CNTNAP4: variants seen among roughly 807,000 people sequenced by gnomAD.
CNTNAP4 encodes contactin associated protein family member 4.
Under a neutral mutation model 148.4 loss-of-function variants are expected in CNTNAP4, and 98 were observed. The observed-to-expected ratio is 0.66, with a 90% CI of 0.56 to 0.78. The LOEUF is 0.78. CNTNAP4 is among the 30% of genes least tolerant of loss of function. The probability of loss-of-function intolerance (pLI) is 0.00; values close to 1 mark genes in which losing one functional copy is unlikely to be tolerated. For synonymous variants in CNTNAP4, 730 were observed against 565.1 expected, an observed-to-expected ratio of 1.29 and a Z score of -4.14; for missense variants, 1,935 against 1,565.6, an observed-to-expected ratio of 1.24 and a Z score of -3.98.
intron 9 of CNTNAP4, 138 bp from the exon 10 acceptor site, chr16:76,467,214 A>G (rs1363663423): frequency 1.4e-6 from 1 of 698,086 alleles, no homozygotes; most frequent in East Asian, 2.8e-5. Context: ...CAAACTAATA[A>G]TGACTGCAGT....
At chr16:76,423,109 C>T (rs1239655579) in intron 3 of CNTNAP4, among the ~76,000 whole-genome samples, 4 of 152,034 alleles carry the variant, frequency 2.6e-5, no homozygotes, top group East Asian at 3.9e-4. Flanking sequence ...CACCAGACAC[C>T]GAATCTGCTG....
intron 2 of CNTNAP4, among the ~76,000 whole-genome samples, chr16:76,323,036 G>A (rs1227566089): frequency 6.6e-6 from 1 of 151,764 alleles, no homozygotes; most frequent in African/African-American, 2.4e-5. Flanking sequence ...TAGTAGAGAT[G>A]GGGTTTCACC....
At chr16:76,455,055 ATAT>A (rs1215225821) in intron 8 of CNTNAP4, among the ~76,000 whole-genome samples, 8 of 152,246 alleles carry the variant, frequency 5.3e-5, no homozygotes, top group African/African-American at 1.4e-4. Context: ...TTATTCAAAA[ATAT>A]TATGTCAGCT....
intron 8 of CNTNAP4, among the ~76,000 whole-genome samples, chr16:76,459,734 T>C (rs371237520): frequency 6.6e-6 from 1 of 152,352 alleles, no homozygotes; most frequent in African/African-American, 2.4e-5. Flanking sequence ...TGTTTCTTAA[T>C]TTGATCTGCA....
chr16:76,368,910 C>T (rs2014470939), intron 3 of CNTNAP4, among the ~76,000 whole-genome samples: 1 of 152,026 alleles, frequency 6.6e-6, no homozygotes, highest in African/African-American at 2.4e-5. Flanking sequence ...TGCGTTAGAC[C>T]AGTGGTTACT....
intron 12 of CNTNAP4, among the ~76,000 whole-genome samples, chr16:76,487,621 T>C (rs1194169809): frequency 2.0e-5 from 3 of 152,164 alleles, no homozygotes; most frequent in Non-Finnish European, 1.5e-5. Flanking sequence ...TCTCCGTTGC[T>C]CAAAATCTAT....
intron 12 of CNTNAP4, among the ~76,000 whole-genome samples, chr16:76,480,107 T>C (rs1308561806): frequency 6.6e-6 from 1 of 152,062 alleles, no homozygotes; most frequent in East Asian, 1.9e-4. Flanking sequence ...CACCATTGTA[T>C]TGGAGGTCCT....
At chr16:76,415,514 CAT>C (rs1287583048) in intron 3 of CNTNAP4, among the ~76,000 whole-genome samples, 1 of 150,970 alleles carries the variant, frequency 6.6e-6, no homozygotes. Flanking sequence ...TGAATTAATA[CAT>C]GTTTTATAGT....
At chr16:76,309,926 T>C (rs751470386) in intron 1 of CNTNAP4, 1 of 701,602 alleles carries the variant, frequency 1.4e-6, no homozygotes, top group African/African-American at 1.7e-5. Context: ...GTTAAGTCTC[T>C]TTTTCTTCCC....
intron 9 of CNTNAP4, among the ~76,000 whole-genome samples, chr16:76,464,018 T>C (rs1268508018): frequency 6.6e-6 from 1 of 152,196 alleles, no homozygotes; most frequent in Non-Finnish European, 1.5e-5. Context: ...GAGATTCTAT[T>C]GGTCATTAAA....
At chr16:76,430,331 T>C (rs927740764) in intron 4 of CNTNAP4, among the ~76,000 whole-genome samples, 3 of 152,136 alleles carry the variant, frequency 2.0e-5, no homozygotes, top group African/African-American at 4.8e-5. Flanking sequence ...GAATAAGACA[T>C]ACAGCTTGCT....
intron 3 of CNTNAP4, among the ~76,000 whole-genome samples, chr16:76,356,517 A>ATG (rs1567833096): frequency 6.6e-6 from 1 of 152,182 alleles, no homozygotes; most frequent in Non-Finnish European, 1.5e-5. Flanking sequence ...GCATATAAAC[A>ATG]CCTGATGGAA....
intron 10 of CNTNAP4, among the ~76,000 whole-genome samples, chr16:76,468,526 C>T (rs188126143): frequency 0.014 from 2,170 of 152,088 alleles, 16 homozygotes; most frequent in Middle Eastern, 0.034. Flanking sequence ...CTGGCTCTGT[C>T]GCCCAAGCTA....
Position 76,475,913 on chromosome 16 carries a change from G to C in CNTNAP4, c.1656-26G>C, listed in dbSNP as rs201407680. ...TTAAGATATCTAAAAATGGAAACTG[G>C]TGATTGTATCTGCACCTTCTTTTAG... On this transcript the variant is annotated intron_variant, in intron 10 of 23. Transcript: ENST00000611870. 9.4e-4 allele frequency: 1,448 copies of C among 1,533,294 alleles called. 2 individuals carry two copies. The highest frequency in any genetic ancestry group is 1.2e-3 in the Non-Finnish European group (1,368 of 1,107,696). The allele number at this position is 1,533,294 out of a possible 1,614,324, so 95.0% of individuals were successfully genotyped here. A position where few individuals can be genotyped will look rare whatever the true frequency, so the allele number is the denominator to read the frequency against.
At position 76,299,660 on chromosome 16, in the gene CNTNAP4, A is replaced by T. The variant is rs565930620; in HGVS notation, c.86-16753A>T. 5.3e-5 allele frequency among the ~76,000 whole-genome samples: 8 copies of T among 152,274 alleles called. No homozygotes were observed. The East Asian group carries it at 1.5e-3, about 29-fold the overall frequency. ...CCATTACTGGATATATACCCAAAGG[A>T]TTATAAATCATGCTGCTATAAAGAC... On this transcript the variant is annotated intron_variant, in intron 1 of 23. Transcript: ENST00000611870.
chr16:76,507,564 A>G lies in CNTNAP4; in HGVS notation c.2365+8870A>G, dbSNP rs1182515054. The stretch of plus-strand genomic sequence containing the variant: ...TGCAAATGATGGATTCTCATTTTAT[A>G]TGGCTGAAATAAAAAGAGGAAAAAA... On this transcript the variant is annotated intron_variant, in intron 15 of 23. Transcript: ENST00000611870. 6.1e-5 allele frequency among the ~76,000 whole-genome samples: 6 copies of G among 97,784 alleles called. 2 individuals carry two copies. Among genetic ancestry groups the G allele is most frequent in the Admixed American group, 6.0e-4 (6 of 10,022 alleles). The allele number at this position is 97,784 out of a possible 152,430, so 64.2% of individuals were successfully genotyped here. A position where few individuals can be genotyped will look rare whatever the true frequency, so the allele number is the denominator to read the frequency against.
At chr16:76,343,176 T>G (rs1391049402) in intron 2 of CNTNAP4, among the ~76,000 whole-genome samples, 1 of 151,894 alleles carries the variant, frequency 6.6e-6, no homozygotes, top group Non-Finnish European at 1.5e-5. Flanking sequence ...CTGGAAGCAC[T>G]GCTTTATTAT....
intron 3 of CNTNAP4, among the ~76,000 whole-genome samples, chr16:76,362,368 C>T (rs2013544633): frequency 6.6e-6 from 1 of 152,022 alleles, no homozygotes; most frequent in Admixed American, 6.6e-5. Context: ...TATCAAAATC[C>T]CAGTGGCATT....
intron 2 of CNTNAP4, among the ~76,000 whole-genome samples, chr16:76,350,173 T>G (rs11149892): frequency 0.24 from 36,622 of 151,768 alleles, 4,848 homozygotes; most frequent in East Asian, 0.47. Flanking sequence ...CTACTATGAG[T>G]CAAAGATAGT....
Sources: allele counts gnomAD v4.1 joint callset (sites outside exome capture counted in the v4.1 genomes callset), GRCh38; gene constraint gnomAD v4.1.1; transcripts MANE v1.5; gene names NCBI Gene and HGNC (gene_info 2026-07-23, HGNC 2026-07-21).